SMIM20: variants seen among roughly 807,000 people sequenced by gnomAD.
The protein encoded by SMIM20 is small integral membrane protein 20.
SMIM20 carries 3 observed loss-of-function variants against 8.7 expected under a neutral mutation model. That is an observed-to-expected ratio of 0.34 (90% CI 0.16 to 0.89). The LOEUF (loss-of-function observed/expected upper bound fraction) is 0.89. Ranked by LOEUF, SMIM20 falls within the 40% of genes least tolerant of loss-of-function variation. SMIM20 has a pLI of 0.49. For missense variants in SMIM20, 85 were observed against 84.8 expected (o/e 1.00, Z -0.01); for synonymous variants, 44 against 33.6 (o/e 1.31, Z -1.07).
At chr4:25,918,130 G>T (rs1478964110) in intron 1 of SMIM20, among the ~76,000 whole-genome samples, 1 of 151,902 alleles carries the variant, frequency 6.6e-6, no homozygotes, top group Non-Finnish European at 1.5e-5. Context: ...TATCAGTAGA[G>T]ACGGGGTTTC....
intron 1 of SMIM20, among the ~76,000 whole-genome samples, chr4:25,915,854 TGGGGC>T (rs1207453902): frequency 7.4e-4 from 14 of 18,950 alleles, no homozygotes; most frequent in African/African-American, 2.5e-3. Context: ...CAACTTGGGA[TGGGGC>T]GGGGGGGGGG....
chr4:25,919,757 T>C (rs1435993337), intron 1 of SMIM20, among the ~76,000 whole-genome samples: 1 of 152,240 alleles, frequency 6.6e-6, no homozygotes, highest in Non-Finnish European at 1.5e-5. Context: ...TTTTGTTCTT[T>C]TATAAAGTTT....
Position 25,929,253 on chromosome 4 carries a change from G to A in SMIM20, c.*62G>A. ...TCTTCATGCTTTCGATTCTGCATGG[G>A]GTACAGCCAGTCACCTCACCAGAGA... On this transcript the variant is annotated 3_prime_UTR_variant, in exon 3 of 3. Coordinates refer to ENST00000506197, the MANE Select transcript of SMIM20 (RefSeq NM_001145432.3). 9.2e-6 allele frequency: 14 copies of A among 1,515,742 alleles called. No individual in the cohort carries two copies. The highest frequency in any genetic ancestry group is 2.0e-5 in the Admixed American group (1 of 50,690). 93.9% of individuals were successfully genotyped at this position (1,515,742 alleles called of 1,614,324 possible).
At chr4:25,920,173 TG>T (rs1331132935) in intron 1 of SMIM20, among the ~76,000 whole-genome samples, 18 of 152,328 alleles carry the variant, frequency 1.2e-4, no homozygotes, top group Admixed American at 1.0e-3. Flanking sequence ...AGTAACCCTT[TG>T]GTGTCTTGGA....
At position 25,918,709 on chromosome 4, in the gene SMIM20, C is replaced by T. The variant is rs538742533; in HGVS notation, c.109+4287C>T. Among the ~76,000 whole-genome samples the T allele has an allele frequency of 2.0e-5, 3 of 151,694 alleles. No homozygotes were observed. The South Asian group carries it at 6.2e-4, about 32-fold the overall frequency. On this transcript the variant is annotated intron_variant, in intron 1 of 2. Transcript: ENST00000506197. ...GTATTTTTTACTAGAGACGGGGTTT[C>T]ACCATGTTGGCCAGGCTGGTCTCGA... is the stretch of plus-strand genomic sequence containing the variant.
At chr4:25,918,186 C>T (rs1053255061) in intron 1 of SMIM20, among the ~76,000 whole-genome samples, 2 of 152,112 alleles carry the variant, frequency 1.3e-5, no homozygotes, top group African/African-American at 4.8e-5. Context: ...TCGTGATCCG[C>T]CTGCCTCGGC....
At chr4:25,915,177 C>T (rs968204932) in intron 1 of SMIM20, among the ~76,000 whole-genome samples, 4 of 152,104 alleles carry the variant, frequency 2.6e-5, no homozygotes, top group Non-Finnish European at 5.9e-5. Context: ...GCCGATTGCT[C>T]ACATGGTAAT....
At chr4:25,915,867 G>GGGGGC (rs1560386063) in intron 1 of SMIM20, among the ~76,000 whole-genome samples, 1 of 131,556 alleles carries the variant, frequency 7.6e-6, no homozygotes, top group African/African-American at 2.7e-5. Context: ...GGCGGGGGGG[G>GGGGGC]GGTCGAGTGT....
chr4:25,929,409 G>A lies in SMIM20; in HGVS notation c.*218G>A. 3 of 508,014 alleles carry A rather than the reference G, an allele frequency of 5.9e-6. No individual in the cohort carries two copies. The highest frequency in any genetic ancestry group is 1.0e-5 in the Non-Finnish European group (3 of 298,148). 31.5% of individuals were successfully genotyped at this position (508,014 alleles called of 1,614,324 possible). A position where few individuals can be genotyped will look rare whatever the true frequency, so the allele number is the denominator to read the frequency against. On this transcript the variant is annotated 3_prime_UTR_variant, in exon 3 of 3. Coordinates refer to ENST00000506197, the MANE Select transcript of SMIM20 (RefSeq NM_001145432.3). Reference sequence around the variant, plus strand: ...CTGGAACAAATTATACCATTAGGAAGGTTTTCATGATTCAGTTGATTTTCC... The same window carrying A: ...CTGGAACAAATTATACCATTAGGAAAGTTTTCATGATTCAGTTGATTTTCC...
chr4:25,925,111 A>G (rs1015229960), intron 1 of SMIM20, among the ~76,000 whole-genome samples: 1 of 152,216 alleles, frequency 6.6e-6, no homozygotes, highest in African/African-American at 2.4e-5. Context: ...TCCTAAATCC[A>G]AACCAATTCT....
chr4:25,922,574 TG>T (rs1239646070), intron 1 of SMIM20, among the ~76,000 whole-genome samples: 2 of 152,220 alleles, frequency 1.3e-5, no homozygotes, highest in African/African-American at 4.8e-5. Flanking sequence ...TTTGCTCTTT[TG>T]CTCCTGCCTT....
Position 25,914,338 on chromosome 4 carries a change from C to T in SMIM20, c.25C>T (p.Leu9Phe). 1 of 1,550,668 alleles carries T rather than the reference C, an allele frequency of 6.4e-7. No homozygotes were observed. The highest frequency in any genetic ancestry group is 8.7e-7 in the Non-Finnish European group (1 of 1,146,314). ...CATGTCCCGGAACCTGCGCACCGCG[C>T]TCATTTTCGGCGGCTTCATCTCCCT... MSRNLRTA[L>F]IFGGFISLIG... The change falls in exon 1 of 3, where the codon CTC (leucine) becomes TTC (phenylalanine). Residue 9 changes from leucine (L) to phenylalanine (F), a missense_variant. Transcript: ENST00000506197.
intron 1 of SMIM20, among the ~76,000 whole-genome samples, chr4:25,924,589 T>G (rs998803843): frequency 2.0e-5 from 3 of 152,230 alleles, no homozygotes; most frequent in Non-Finnish European, 2.9e-5. Flanking sequence ...TTGCCACATT[T>G]GCTTTCTCCC....
Position 25,928,360 on chromosome 4 carries a change from C to T in SMIM20, c.157C>T (p.Gln53Ter), listed in dbSNP as rs1348335225. 1.3e-6 allele frequency: 2 copies of T among 1,549,072 alleles called. No homozygotes were observed. Among genetic ancestry groups the T allele is most frequent in the East Asian group, 2.4e-5 (1 of 40,834 alleles). ...NRAGIVQEDV[Q>*]PPGLKVWSDP... ...GGCTGGAATTGTTCAAGAGGATGTG[C>T]AGCCACCAGGTAAACTGAAAAAAAA... Residue 53 changes from glutamine (Q) to a stop codon, truncating the protein, a stop_gained, in exon 2 of 3, where the codon CAG becomes TAG. Transcript: ENST00000506197. LOFTEE classifies it high-confidence loss of function.
Position 25,929,197 on chromosome 4 carries a change from C to T in SMIM20, c.*6C>T. The stretch of plus-strand genomic sequence containing the variant: ...ATCCATTTGGCAGGAAATGAGAGGG[C>T]TGTCATCAGCTCTGATTAAGAAAGG... On this transcript the variant is annotated 3_prime_UTR_variant, in exon 3 of 3. Transcript: ENST00000506197. 6.4e-7 allele frequency: 1 copy of T among 1,551,968 alleles called. No homozygotes were observed. Among genetic ancestry groups the T allele is most frequent in the Non-Finnish European group, 8.7e-7 (1 of 1,146,974 alleles).
chr4:25,917,564 C>T (rs1045571891), intron 1 of SMIM20, among the ~76,000 whole-genome samples: 12 of 152,334 alleles, frequency 7.9e-5, no homozygotes, highest in South Asian at 4.1e-4. Context: ...CTCATTCCAA[C>T]ACATTCAACT....
chr4:25,928,310 C>T lies in SMIM20; in HGVS notation c.110-3C>T. 6.5e-7 allele frequency: 1 copy of T among 1,549,144 alleles called. No homozygotes were observed. The highest frequency in any genetic ancestry group is 1.2e-5 in the South Asian group (1 of 83,410). ...AGAATGATTTTTCTCTTATGTTTCT[C>T]AGAGAAGGAACAAGCTATAAATCGG... On this transcript the variant is annotated splice_region_variant and splice_polypyrimidine_tract_variant and intron_variant, in intron 1 of 2. Coordinates refer to ENST00000506197, the MANE Select transcript of SMIM20 (RefSeq NM_001145432.3).
Position 25,914,305 on chromosome 4 carries a change from C to T in SMIM20, c.-9C>T. 6.5e-7 allele frequency: 1 copy of T among 1,549,362 alleles called. No individual in the cohort carries two copies. The highest frequency in any genetic ancestry group is 8.7e-7 in the Non-Finnish European group (1 of 1,145,370). On this transcript the variant is annotated 5_prime_UTR_variant, in exon 1 of 3. Coordinates refer to ENST00000506197, the MANE Select transcript of SMIM20 (RefSeq NM_001145432.3). ...GTCGGCGGGTCAGGGCAGCCCGGGGCCTGACGCCATGTCCCGGAACCTGCG... is the reference window on the plus strand; with the variant it reads ...GTCGGCGGGTCAGGGCAGCCCGGGGTCTGACGCCATGTCCCGGAACCTGCG...
chr4:25,926,616 C>G (rs927118716), intron 1 of SMIM20, among the ~76,000 whole-genome samples: 2 of 152,162 alleles, frequency 1.3e-5, no homozygotes, highest in Admixed American at 1.3e-4. Flanking sequence ...AGGTTAGAAC[C>G]CAATTAGGCA....
Sources: allele counts gnomAD v4.1 joint callset (sites outside exome capture counted in the v4.1 genomes callset), GRCh38; gene constraint gnomAD v4.1.1; transcripts MANE v1.5; gene names NCBI Gene and HGNC (gene_info 2026-07-23, HGNC 2026-07-21).